Variants in SHROOM3 observed in about 807,000 individuals in gnomAD.
SHROOM3 encodes the protein protein Shroom3.
SHROOM3 carries 47 observed loss-of-function variants against 138.6 expected under a neutral mutation model. The ratio of observed to expected loss-of-function variants is 0.34; its 90% CI spans 0.27 to 0.43. SHROOM3 has a LOEUF of 0.43. SHROOM3 is among the 20% of genes least tolerant of loss of function. The pLI is 1.00. For missense variants in SHROOM3, 2,491 were observed against 2,596.5 expected (o/e 0.96, Z 0.88); for synonymous variants, 1,062 against 1,063.3 (o/e 1.00, Z 0.02).
intron 1 of SHROOM3, among the ~76,000 whole-genome samples, chr4:76,551,574 C>A (rs1733353722): frequency 6.6e-6 from 1 of 152,064 alleles, no homozygotes; most frequent in Admixed American, 6.5e-5. Flanking sequence ...CCAATATTTT[C>A]TGAGTAGGTC....
chr4:76,541,706 A>G (rs1733105157), intron 1 of SHROOM3, among the ~76,000 whole-genome samples: 1 of 152,040 alleles, frequency 6.6e-6, no homozygotes, highest in Admixed American at 6.6e-5. Flanking sequence ...TGGCCCCTCC[A>G]CACATTTCAA....
rs531376616 is a variant in SHROOM3 at position 76,632,167 on chromosome 4, A to C, written c.323+76404A>C. 5.3e-5 allele frequency among the ~76,000 whole-genome samples: 8 copies of C among 152,328 alleles called. No individual in the cohort carries two copies. In the South Asian group the frequency reaches 1.7e-3, roughly 32 times the overall value. On this transcript the variant is annotated intron_variant, in intron 2 of 10. Transcript: ENST00000296043. ...ATTATGTTGGATAGACCAATCTGACATCCGGGCAGGTAATTGTACAAAAGA... is the reference window on the plus strand; with the variant it reads ...ATTATGTTGGATAGACCAATCTGACCTCCGGGCAGGTAATTGTACAAAAGA...
chr4:76,651,864 G>T (rs796594476), intron 2 of SHROOM3, among the ~76,000 whole-genome samples: 1 of 152,110 alleles, frequency 6.6e-6, no homozygotes, highest in Non-Finnish European at 1.5e-5. Context: ...GCAAATCGGG[G>T]TATTGGCAAA....
intron 6 of SHROOM3, among the ~76,000 whole-genome samples, chr4:76,749,726 A>T (rs1222852799): frequency 2.0e-5 from 3 of 152,206 alleles, no homozygotes; most frequent in East Asian, 3.8e-4. Context: ...TCGTTTTTTT[A>T]AAATGCCATC....
chr4:76,517,897 G>A (rs1250336773), intron 1 of SHROOM3, among the ~76,000 whole-genome samples: 3 of 152,158 alleles, frequency 2.0e-5, no homozygotes, highest in East Asian at 1.9e-4. Flanking sequence ...TAGCCTCACC[G>A]GGATATTGCG....
chr4:76,769,121 T>TG (rs1227333188), intron 9 of SHROOM3, among the ~76,000 whole-genome samples: 43 of 131,180 alleles, frequency 3.3e-4, no homozygotes, highest in African/African-American at 7.8e-4. Context: ...TGTGTGTGTG[T>TG]TTTTTTTTTC....
At chr4:76,534,350 CAT>C (rs1315513781) in intron 1 of SHROOM3, among the ~76,000 whole-genome samples, 15 of 152,170 alleles carry the variant, frequency 9.9e-5, no homozygotes, top group Non-Finnish European at 2.1e-4. Flanking sequence ...CAAGTCCAAA[CAT>C]ATGTGTTTAC....
At chr4:76,495,053 A>G (rs1731935501) in intron 1 of SHROOM3, among the ~76,000 whole-genome samples, 1 of 152,236 alleles carries the variant, frequency 6.6e-6, no homozygotes, top group Admixed American at 6.5e-5. Flanking sequence ...GGGAGCTTAC[A>G]AAATTAAGCA....
chr4:76,435,975 A>C lies in SHROOM3; in HGVS notation c.-78A>C. 1 of 1,516,554 alleles carries C rather than the reference A, an allele frequency of 6.6e-7. No homozygotes were observed. Among genetic ancestry groups the C allele is most frequent in the Non-Finnish European group, 9.1e-7 (1 of 1,101,610 alleles). 93.9% of individuals were successfully genotyped at this position (1,516,554 alleles called of 1,614,324 possible). A position where few individuals can be genotyped will look rare whatever the true frequency, so the allele number is the denominator to read the frequency against. On this transcript the variant is annotated 5_prime_UTR_variant, in exon 1 of 11. Coordinates refer to ENST00000296043, the MANE Select transcript of SHROOM3 (RefSeq NM_020859.4). ...ATTGTGTGTCCTGAAGGATGGGACA[A>C]CTTGTGCTGTAGAAGCACTGCTTGC...
intron 1 of SHROOM3, among the ~76,000 whole-genome samples, chr4:76,448,347 T>A (rs1295213572): frequency 6.6e-6 from 1 of 152,224 alleles, no homozygotes; most frequent in Non-Finnish European, 1.5e-5. Context: ...TCTCGTTTTT[T>A]CTTCTTATAC....
At chr4:76,777,971 A>G (rs563772013) in intron 10 of SHROOM3, among the ~76,000 whole-genome samples, 55 of 152,272 alleles carry the variant, frequency 3.6e-4, no homozygotes, top group African/African-American at 1.3e-3. Context: ...TTCTTTAGAG[A>G]TGGGAAATAT....
chr4:76,742,819 GGGGA>G (rs1232905266), intron 5 of SHROOM3, among the ~76,000 whole-genome samples: 2 of 152,138 alleles, frequency 1.3e-5, no homozygotes, highest in Non-Finnish European at 2.9e-5. Context: ...TGTTAGCACA[GGGGA>G]GGAAGAACTC....
At chr4:76,480,748 G>A (rs948753374) in intron 1 of SHROOM3, among the ~76,000 whole-genome samples, 4 of 152,080 alleles carry the variant, frequency 2.6e-5, no homozygotes, top group Non-Finnish European at 5.9e-5. Flanking sequence ...ACACTCCTCA[G>A]CAAATGCAAA....
At chr4:76,646,225 A>AATAAATATATATATATATATATATATAT (rs61374645) in intron 2 of SHROOM3, among the ~76,000 whole-genome samples, 70 of 96,062 alleles carry the variant, frequency 7.3e-4, no homozygotes, top group African/African-American at 2.0e-3. Context: ...ATAATAAATA[A>AATAAATATATATATATATATATATATAT]ATATATATAT....
intron 1 of SHROOM3, among the ~76,000 whole-genome samples, chr4:76,553,240 G>T (rs1006002220): frequency 1.6e-4 from 25 of 152,020 alleles, no homozygotes; most frequent in African/African-American, 6.0e-4. Flanking sequence ...TCGGCCCACT[G>T]CACCTCCACC....
At chr4:76,638,560 T>G (rs1435705779) in intron 2 of SHROOM3, among the ~76,000 whole-genome samples, 1 of 152,168 alleles carries the variant, frequency 6.6e-6, no homozygotes, top group Non-Finnish European at 1.5e-5. Flanking sequence ...TACAAAAAGT[T>G]TTCTTTTTTA....
At chr4:76,771,307 G>A (rs1330050109) in intron 10 of SHROOM3, among the ~76,000 whole-genome samples, 3 of 151,840 alleles carry the variant, frequency 2.0e-5, no homozygotes, top group Non-Finnish European at 2.9e-5. Flanking sequence ...GAACCCGGGA[G>A]GCAGAGGTTG....
At chr4:76,478,509 C>T (rs1020072428) in intron 1 of SHROOM3, among the ~76,000 whole-genome samples, 6 of 152,234 alleles carry the variant, frequency 3.9e-5, no homozygotes, top group Admixed American at 6.5e-5. Context: ...TCCCATCTCC[C>T]TGGGACAGAG....
At chr4:76,561,430 G>A (rs1733593624) in intron 2 of SHROOM3, among the ~76,000 whole-genome samples, 1 of 152,120 alleles carries the variant, frequency 6.6e-6, no homozygotes, top group Non-Finnish European at 1.5e-5. Context: ...GAGGTGGCTA[G>A]CGTGAGAATC....
Sources: allele counts gnomAD v4.1 joint callset (sites outside exome capture counted in the v4.1 genomes callset), GRCh38; gene constraint gnomAD v4.1.1; transcripts MANE v1.5; gene names NCBI Gene and HGNC (gene_info 2026-07-23, HGNC 2026-07-21).